Variants in CRNKL1 observed in about 807,000 individuals in gnomAD.
The protein encoded by CRNKL1 is crooked neck-like protein 1.
CRNKL1 carries 35 observed loss-of-function variants against 103.7 expected under a neutral mutation model. The observed-to-expected ratio is 0.34, with a 90% CI of 0.26 to 0.45. CRNKL1 has a LOEUF of 0.45. Among genes scored for constraint, CRNKL1 ranks in the 20% least tolerant of loss-of-function variants. The probability of loss-of-function intolerance (pLI) is 1.00; values close to 1 mark genes in which losing one functional copy is unlikely to be tolerated. For synonymous variants in CRNKL1, 267 were observed against 282.6 expected (o/e 0.94, Z 0.55); for missense variants, 645 against 836.0 (o/e 0.77, Z 2.82).
chr20:20,037,620 A>G (rs2043442281), intron 12 of CRNKL1, 49 bp from the exon 13 acceptor site: 2 of 1,562,518 alleles, frequency 1.3e-6, no homozygotes, highest in African/African-American at 1.4e-5. Flanking sequence ...CACTCAGAAG[A>G]TAATAATGTA....
chr20:20,054,888 C>G (rs2044181008), upstream of CRNKL1, among the ~76,000 whole-genome samples: 1 of 152,122 alleles, frequency 6.6e-6, no homozygotes, highest in Non-Finnish European at 1.5e-5. Flanking sequence ...AGGTTCATGT[C>G]TTTCATCCAT....
At chr20:20,045,258 G>A (rs754802452) in intron 6 of CRNKL1, 50 bp downstream of exon 6, 1 of 1,448,374 alleles carries the variant, frequency 6.9e-7, no homozygotes, top group South Asian at 1.4e-5. Flanking sequence ...TGCACAAAAT[G>A]TAATCTTTGC....
chr20:20,037,530 T>A lies in CRNKL1; in HGVS notation c.1689A>T (p.Lys563Asn). 6.2e-7 allele frequency: 1 copy of A among 1,614,134 alleles called. No homozygotes were observed. Among genetic ancestry groups the A allele is most frequent in the Non-Finnish European group, 8.5e-7 (1 of 1,180,018 alleles). ...SFAQFELSSG[K>N]EGSLTKCRQI... ...GTCTGCATTTAGTCAAACTTCCTTC[T>A]TTTCCTGAAGACAACTCAAACTGAG... Residue 563 changes from lysine (K) to asparagine (N), a missense_variant, in exon 13 of 14, where the codon AAA (lysine) becomes AAT (asparagine). Physicochemically the swap from Lys to Asn is moderately conservative, Grantham distance 94. Coordinates refer to ENST00000536226, the MANE Select transcript of CRNKL1 (RefSeq NM_001278628.2).
rs377551141 is a variant in CRNKL1, at chr20:20,049,307, T to C, written c.296+33A>G. 2.1e-5 allele frequency: 24 copies of C among 1,126,474 alleles called. No homozygotes were observed. The African/African-American group carries it at 3.6e-4, about 17-fold the overall frequency. 69.8% of individuals were successfully genotyped at this position (1,126,474 alleles called of 1,614,324 possible). Reference sequence around the variant, plus strand: ...TTGGTATCTGTTAATCTATGAATCATTATATACAAAACTACACTCTCAGTA... The same window carrying C: ...TTGGTATCTGTTAATCTATGAATCACTATATACAAAACTACACTCTCAGTA... On this transcript the variant is annotated intron_variant, in intron 3 of 13. Transcript: ENST00000536226.
upstream of CRNKL1, chr20:20,052,665 A>G (rs989589288): frequency 3.1e-6 from 5 of 1,613,374 alleles, no homozygotes; most frequent in Non-Finnish European, 4.2e-6. Flanking sequence ...TCCCCAGGTC[A>G]GCCTCCGGAA....
chr20:20,049,287 A>G (rs978779081), intron 3 of CRNKL1, 53 bp downstream of exon 3: 31 of 974,704 alleles, frequency 3.2e-5, no homozygotes, highest in Non-Finnish European at 4.9e-5. Context: ...TCTTTTTGGT[A>G]TCTGTTAATC....
chr20:20,052,739 A>C, upstream of CRNKL1: 1 of 1,583,368 alleles, frequency 6.3e-7, no homozygotes. Context: ...GGGAGTAAGA[A>C]CGGAGCTCCA....
intron 6 of CRNKL1, 63 bp downstream of exon 6, chr20:20,045,245 C>T (rs2043576181): frequency 2.2e-6 from 3 of 1,366,058 alleles, no homozygotes; most frequent in Non-Finnish European, 2.0e-6. Context: ...AATGAACTCA[C>T]CATGCACAAA....
intron 4 of CRNKL1, 103 bp from the exon 5 acceptor site, chr20:20,048,034 A>G (rs2043622471): frequency 1.5e-6 from 2 of 1,329,120 alleles, no homozygotes; most frequent in East Asian, 4.7e-5. Context: ...TAAATCAAAC[A>G]TGTTTTGTCA....
chr20:20,052,201 G>A (rs1345164253), intron 1 of CRNKL1, 91 bp downstream of exon 1: 7 of 1,117,824 alleles, frequency 6.3e-6, no homozygotes, highest in African/African-American at 3.1e-5. Flanking sequence ...TCTCCCCGGC[G>A]GGAACACTCT....
chr20:20,042,117 A>T (rs2043523089), intron 8 of CRNKL1, among the ~76,000 whole-genome samples: 1 of 152,230 alleles, frequency 6.6e-6, no homozygotes. Context: ...AACCAAAGTT[A>T]AAAAAGCCCC....
At chr20:20,053,706 A>G (rs1218734478), upstream of CRNKL1, among the ~76,000 whole-genome samples, 1 of 152,240 alleles carries the variant, frequency 6.6e-6, no homozygotes, top group Non-Finnish European at 1.5e-5. Flanking sequence ...ATAACTCTTT[A>G]TTAACCATAT....
intron 5 of CRNKL1, among the ~76,000 whole-genome samples, chr20:20,046,948 A>G (rs188996048): frequency 2.0e-4 from 31 of 152,366 alleles, no homozygotes; most frequent in African/African-American, 7.5e-4. Flanking sequence ...ATAGTGAGGA[A>G]TGACTGTACT....
At chr20:20,037,248 A>G (rs2043434325) in intron 13 of CRNKL1, 75 bp downstream of exon 13, 2 of 1,528,524 alleles carry the variant, frequency 1.3e-6, no homozygotes, top group Non-Finnish European at 1.8e-6. Flanking sequence ...TGCCACTTAA[A>G]AGTCCACATT....
intron 9 of CRNKL1, among the ~76,000 whole-genome samples, 187 bp from the exon 10 acceptor site, chr20:20,040,953 A>G (rs2043502935): frequency 6.6e-6 from 1 of 152,206 alleles, no homozygotes; most frequent in African/African-American, 2.4e-5. Context: ...AGAAACCCAC[A>G]TACCATGATC....
At chr20:20,052,098 G>A (rs1028658500) in intron 1 of CRNKL1, among the ~76,000 whole-genome samples, 194 bp downstream of exon 1, 9 of 152,094 alleles carry the variant, frequency 5.9e-5, no homozygotes, top group African/African-American at 1.2e-4. Context: ...ACCCCAGAAC[G>A]AAGGCCACGC....
rs1208118194 is a variant in CRNKL1 at position 20,034,765 on chromosome 20, C to CAACA, written c.*1426_*1429dup. On this transcript the variant is annotated 3_prime_UTR_variant, in exon 14 of 14. Transcript: ENST00000536226. Reference sequence around the variant, plus strand: ...AGGCTGAAAACAGATTTTATCTCAACAACAGTCCTAGTTTCTTCTGTCCTC... The same window carrying CAACA: ...AGGCTGAAAACAGATTTTATCTCAACAACAAACAGTCCTAGTTTCTTCTGTCCTC... 2.0e-5 allele frequency: 3 copies of CAACA among 152,224 alleles called. No homozygotes were observed. The highest frequency in any genetic ancestry group is 4.4e-5 in the Non-Finnish European group (3 of 68,044). 9.4% of individuals were successfully genotyped at this position (152,224 alleles called of 1,614,324 possible).
chr20:20,045,693 T>G (rs560864340), intron 5 of CRNKL1, among the ~76,000 whole-genome samples: 9 of 152,348 alleles, frequency 5.9e-5, no homozygotes, highest in Non-Finnish European at 1.3e-4. Flanking sequence ...TTTCCTCCAG[T>G]GCTTAGTTAA....
At chr20:20,051,457 A>G (rs971053739) in intron 1 of CRNKL1, among the ~76,000 whole-genome samples, 1 of 152,248 alleles carries the variant, frequency 6.6e-6, no homozygotes, top group African/African-American at 2.4e-5. Context: ...GCCCAATAAA[A>G]GTTTATGTAG....
Sources: gnomAD v4.1 joint callset for allele counts (sites outside exome capture counted in the v4.1 genomes callset) on GRCh38, gnomAD v4.1.1 for gene constraint, MANE v1.5 for transcripts, NCBI Gene and HGNC (gene_info 2026-07-23, HGNC 2026-07-21) for gene names.